Variants in GRID1 observed in about 807,000 individuals in gnomAD.
The protein encoded by GRID1 is glutamate receptor ionotropic, delta-1.
Under a neutral mutation model 98.0 loss-of-function variants are expected in GRID1, and 28 were observed. The observed-to-expected ratio is 0.29, with a 90% CI of 0.21 to 0.39. GRID1 has a LOEUF of 0.39. Among genes scored for constraint, GRID1 ranks in the 10% least tolerant of loss-of-function variants. The pLI is 1.00. For missense variants in GRID1, 1,111 were observed against 1,340.5 expected (o/e 0.83, Z 2.67); for synonymous variants, 553 against 538.5 (o/e 1.03, Z -0.37).
intron 3 of GRID1, among the ~76,000 whole-genome samples, chr10:86,175,027 C>G: frequency 6.6e-6 from 1 of 152,170 alleles, no homozygotes; most frequent in African/African-American, 2.4e-5. Flanking sequence ...AATAGGAACA[C>G]TTTTACACTG....
At chr10:85,981,458 TG>T (rs779996578) in intron 4 of GRID1, among the ~76,000 whole-genome samples, 31 of 152,286 alleles carry the variant, frequency 2.0e-4, no homozygotes, top group Non-Finnish European at 4.0e-4. Flanking sequence ...AATGCCTACT[TG>T]GCTTTTGATG....
At position 85,898,156 on chromosome 10, in the gene GRID1, G is replaced by C. The variant is rs137872950; in HGVS notation, c.780+18030C>G. ...GCATGTTACCGTACTGACTATTGCAGGCAACTGTAACCCAATGGTATTTGT... is the reference window on the plus strand; with the variant it reads ...GCATGTTACCGTACTGACTATTGCACGCAACTGTAACCCAATGGTATTTGT... On this transcript the variant is annotated intron_variant, in intron 5 of 15. Transcript: ENST00000327946. Among the ~76,000 whole-genome samples the C allele has an allele frequency of 2.4e-3, 365 of 152,260 alleles. 3 individuals are homozygous for C. Among genetic ancestry groups the C allele is most frequent in the African/African-American group, 8.3e-3 (346 of 41,546 alleles).
chr10:85,804,168 C>T (rs912683794), intron 8 of GRID1, among the ~76,000 whole-genome samples: 5 of 150,702 alleles, frequency 3.3e-5, no homozygotes, highest in Admixed American at 1.3e-4. Context: ...GAAAAAAAAG[C>T]ATAAATTACC....
intron 4 of GRID1, among the ~76,000 whole-genome samples, chr10:86,076,509 G>A (rs560432042): frequency 6.6e-6 from 1 of 152,284 alleles, no homozygotes; most frequent in South Asian, 2.1e-4. Context: ...CATTGAGAGA[G>A]GAAGAGGCTT....
At chr10:86,131,508 T>C (rs931156904) in intron 4 of GRID1, among the ~76,000 whole-genome samples, 1 of 152,176 alleles carries the variant, frequency 6.6e-6, no homozygotes, top group African/African-American at 2.4e-5. Flanking sequence ...CCAGGTGTCT[T>C]CAGGCCCATG....
At chr10:86,199,677 G>A (rs745377066) in intron 3 of GRID1, among the ~76,000 whole-genome samples, 2 of 152,136 alleles carry the variant, frequency 1.3e-5, no homozygotes, top group Non-Finnish European at 1.5e-5. Context: ...AGAGGGACTT[G>A]GAGCTGTTAC....
chr10:86,122,010 C>A (rs1844684485), intron 4 of GRID1, among the ~76,000 whole-genome samples: 1 of 152,152 alleles, frequency 6.6e-6, no homozygotes, highest in African/African-American at 2.4e-5. Flanking sequence ...GGGCCTCAGT[C>A]TCTGTATCTG....
intron 3 of GRID1, among the ~76,000 whole-genome samples, chr10:86,163,330 G>A (rs1845349289): frequency 6.6e-6 from 1 of 152,080 alleles, no homozygotes; most frequent in Admixed American, 6.5e-5. Flanking sequence ...GAGGCCCATA[G>A]CAGAGACAGA....
intron 8 of GRID1, among the ~76,000 whole-genome samples, chr10:85,828,310 A>G (rs1158758627): frequency 6.6e-6 from 1 of 152,190 alleles, no homozygotes; most frequent in Non-Finnish European, 1.5e-5. Flanking sequence ...AGGAAAATTT[A>G]TAGTGCTGAA....
At chr10:86,080,770 A>T (rs1275837436) in intron 4 of GRID1, among the ~76,000 whole-genome samples, 1 of 152,078 alleles carries the variant, frequency 6.6e-6, no homozygotes, top group African/African-American at 2.4e-5. Context: ...ACACTAAGAA[A>T]TCTCCACACA....
intron 5 of GRID1, among the ~76,000 whole-genome samples, chr10:85,910,222 T>G (rs151087283): frequency 6.6e-6 from 1 of 152,234 alleles, no homozygotes; most frequent in Non-Finnish European, 1.5e-5. Context: ...AGAATTGGAA[T>G]CTTCAAAATA....
intron 12 of GRID1, among the ~76,000 whole-genome samples, chr10:85,658,089 G>C (rs1250714958): frequency 6.6e-6 from 1 of 152,196 alleles, no homozygotes; most frequent in African/African-American, 2.4e-5. Flanking sequence ...ATGCAAATCA[G>C]GGCAGCAGCC....
At chr10:85,634,275 TCTCTCTCTCTCTCTCTCA>T (rs998725072) in intron 13 of GRID1, among the ~76,000 whole-genome samples, 15 of 144,626 alleles carry the variant, frequency 1.0e-4, no homozygotes, top group South Asian at 4.5e-4. Flanking sequence ...TCTCTCTCTC[TCTCTCTCTCTCTCTCTCA>T]CACACACACA....
rs149431166 is a variant in GRID1, at chr10:86,154,034, G to A, written c.521-15010C>T. Among the ~76,000 whole-genome samples, 844 of 152,310 alleles carry A rather than the reference G, an allele frequency of 5.5e-3. 2 individuals carry two copies. Among genetic ancestry groups the A allele is most frequent in the Non-Finnish European group, 6.9e-3 (468 of 68,030 alleles). ...GTGGAGCCATCCATCACAGGCCGCC[G>A]GAAGGCCCTGGAAATGCCAGAGTTG... On this transcript the variant is annotated intron_variant, in intron 3 of 15. Coordinates refer to ENST00000327946, the MANE Select transcript of GRID1 (RefSeq NM_017551.3).
intron 12 of GRID1, among the ~76,000 whole-genome samples, chr10:85,720,108 C>G (rs1841683601): frequency 6.6e-6 from 1 of 152,100 alleles, no homozygotes; most frequent in Non-Finnish European, 1.5e-5. Flanking sequence ...CTTGCTTTAT[C>G]AATGTTTTTG....
intron 8 of GRID1, among the ~76,000 whole-genome samples, chr10:85,818,075 G>A (rs1202598596): frequency 6.6e-6 from 1 of 152,168 alleles, no homozygotes; most frequent in Non-Finnish European, 1.5e-5. Context: ...GTTCTCACAT[G>A]CATGCTGATT....
intron 8 of GRID1, among the ~76,000 whole-genome samples, chr10:85,845,170 TG>T (rs1164439619): frequency 6.6e-6 from 1 of 151,900 alleles, no homozygotes; most frequent in Non-Finnish European, 1.5e-5. Context: ...ATAGATGACA[TG>T]ATTGTGTATA....
chr10:85,634,283 TCTCTCTCTCA>T (rs1458241885), intron 13 of GRID1, among the ~76,000 whole-genome samples: 32 of 143,308 alleles, frequency 2.2e-4, no homozygotes, highest in Middle Eastern at 7.2e-3. Flanking sequence ...TCTCTCTCTC[TCTCTCTCTCA>T]CACACACACA....
At chr10:86,092,053 T>C (rs997419030) in intron 4 of GRID1, among the ~76,000 whole-genome samples, 2 of 152,106 alleles carry the variant, frequency 1.3e-5, no homozygotes, top group African/African-American at 4.8e-5. Flanking sequence ...AGACCAACCC[T>C]GGTAAATGAC....
Sources: gnomAD v4.1 joint callset for allele counts (sites outside exome capture counted in the v4.1 genomes callset) on GRCh38, gnomAD v4.1.1 for gene constraint, MANE v1.5 for transcripts, NCBI Gene and HGNC (gene_info 2026-07-23, HGNC 2026-07-21) for gene names.